DGKZ: variants seen among roughly 807,000 people sequenced by gnomAD.
DGKZ encodes DAG kinase zeta.
DGKZ carries 45 observed loss-of-function variants against 142.5 expected under a neutral mutation model. The observed-to-expected ratio is 0.32, with a 90% CI of 0.25 to 0.40. The LOEUF (loss-of-function observed/expected upper bound fraction) is 0.40, where lower values mean the gene tolerates loss of function less well. DGKZ is among the 10% of genes least tolerant of loss of function. The pLI is 1.00. For synonymous variants in DGKZ, 442 were observed against 527.0 expected (o/e 0.84, Z 2.21); for missense variants, 755 against 1,306.5 (o/e 0.58, Z 6.51).
upstream of DGKZ, among the ~76,000 whole-genome samples, chr11:46,347,186 G>A (rs1236826704): frequency 2.0e-5 from 3 of 152,170 alleles, no homozygotes; most frequent in East Asian, 5.8e-4. The surrounding 1 kb of genome is among the most constrained non-coding windows in gnomAD (Gnocchi z 6.4). Flanking sequence ...GGGATCGGGG[G>A]AGGAAAGATG....
At chr11:46,365,323 C>T in intron 1 of DGKZ, 1 of 985,448 alleles carries the variant, frequency 1.0e-6, no homozygotes, top group Non-Finnish European at 1.2e-6. Context: ...GGTTTCCCGG[C>T]ATCACCCAGC....
intron 24 of DGKZ, 177 bp from the exon 25 acceptor site, chr11:46,376,896 C>CGGAGGAGGTGTCAGGAATGG: frequency 1.5e-6 from 1 of 659,726 alleles, no homozygotes; most frequent in East Asian, 2.7e-5. Context: ...TCTGGGCAGT[C>CGGAGGAGGTGTCAGGAATGG]GGAGGAGGTG....
At chr11:46,333,718 G>C (rs905287362) in intron 1 of DGKZ, among the ~76,000 whole-genome samples, 4 of 152,150 alleles carry the variant, frequency 2.6e-5, no homozygotes, top group African/African-American at 7.2e-5. Flanking sequence ...GTGGCTGAGG[G>C]AACAGTGTAC....
chr11:46,377,025 C>A, intron 24 of DGKZ, 48 bp from the exon 25 acceptor site: 1 of 1,550,272 alleles, frequency 6.5e-7, no homozygotes, highest in Non-Finnish European at 8.9e-7. Context: ...TGCCCCTCGG[C>A]CCCCACCGTC....
intron 1 of DGKZ, among the ~76,000 whole-genome samples, chr11:46,348,964 C>A (rs1477677841): frequency 6.6e-6 from 1 of 152,218 alleles, no homozygotes; most frequent in Admixed American, 6.5e-5. Context: ...CATTCACCCC[C>A]ACCCCGCCCC....
chr11:46,379,924 G>A, exon 31 of DGKZ: 21 of 1,607,390 alleles, frequency 1.3e-5, no homozygotes, highest in Non-Finnish European at 1.7e-5. Flanking sequence ...GATCCAGCGG[G>A]AGGACCAGGA....
At chr11:46,341,062 C>T (rs145568236) in intron 1 of DGKZ, among the ~76,000 whole-genome samples, 8 of 152,140 alleles carry the variant, frequency 5.3e-5, no homozygotes, top group East Asian at 1.9e-4. Context: ...GCAGGAGAAT[C>T]GCTTGAACCT....
At chr11:46,379,524 T>G (rs1400742015) in exon 30 of DGKZ, 1 of 1,611,744 alleles carries the variant, frequency 6.2e-7, no homozygotes, top group East Asian at 2.2e-5. Context: ...CATCTGCCAC[T>G]ACATCGTGGA....
chr11:46,379,207 C>T (rs190799029), exon 29 of DGKZ: 2 of 1,613,108 alleles, frequency 1.2e-6, no homozygotes, highest in Non-Finnish European at 1.7e-6. Context: ...CTCCAGCCCC[C>T]CCAGAGATCC....
At chr11:46,333,108 AG>A in exon 1 of DGKZ, 1 of 505,598 alleles carries the variant, frequency 2.0e-6, no homozygotes, top group Non-Finnish European at 3.0e-6. Flanking sequence ...CGCAGCGCCC[AG>A]CATCTCGCTG....
chr11:46,344,233 G>C (rs571679856), upstream of DGKZ, among the ~76,000 whole-genome samples: 27 of 151,810 alleles, frequency 1.8e-4, no homozygotes, highest in African/African-American at 6.3e-4. Context: ...CATCTTGTTT[G>C]CTGACATTAT....
Position 46,333,678 on chromosome 11 carries a change from A to G in DGKZ, c.212+191A>G, listed in dbSNP as rs114388424. On this transcript the variant is annotated intron_variant, in intron 1 of 30. Coordinates refer to the DGKZ transcript ENST00000343674. ...CTTCTGAGACTCCTTCTCTGCCTGA[A>G]CCGTGAAAGCCGTATTCATCCAATA... Among the ~76,000 whole-genome samples, 712 of 152,294 alleles carry G rather than the reference A, an allele frequency of 4.7e-3. 3 individuals carry two copies. The highest frequency in any genetic ancestry group is 0.015 in the African/African-American group (607 of 41,562).
chr11:46,364,714 G>A (rs1380804488), intron 1 of DGKZ: 9 of 985,434 alleles, frequency 9.1e-6, no homozygotes, highest in African/African-American at 3.5e-5. Context: ...GGTGCTAGAC[G>A]TGCGGCCTGG....
At chr11:46,355,476 G>A (rs951110014) in intron 1 of DGKZ, among the ~76,000 whole-genome samples, 15 of 152,208 alleles carry the variant, frequency 9.9e-5, no homozygotes, top group African/African-American at 3.1e-4. Flanking sequence ...TCTCCTTCAA[G>A]CCTGCAACAC....
chr11:46,347,481 G>GGCGGCA lies in DGKZ; in HGVS notation c.-173_-168dup. On this transcript the variant is annotated 5_prime_UTR_variant, in exon 1 of 31. Coordinates refer to ENST00000527911, the Ensembl canonical transcript of DGKZ. This position sits in a 1 kb window ranked among gnomAD's most constrained non-coding sequence, Gnocchi z 6.4. ...GGCTGGCGGCACTTCCTGGAGCGGC[G>GGCGGCA]GCGGCAGCGGCTTCCCGGGCACCTG... 5.1e-6 allele frequency: 5 copies of GGCGGCA among 982,238 alleles called. No homozygotes were observed. The highest frequency in any genetic ancestry group is 6.0e-6 in the Non-Finnish European group (5 of 828,770). The allele number at this position is 982,238 out of a possible 1,614,324, so 60.8% of individuals were successfully genotyped here.
chr11:46,366,442 T>C, intron 1 of DGKZ: 4 of 1,550,764 alleles, frequency 2.6e-6, no homozygotes, highest in Non-Finnish European at 3.5e-6. Context: ...GCCTCCTGAG[T>C]TGCGGGGTGA....
At chr11:46,333,744 G>A (rs947587951) in intron 1 of DGKZ, among the ~76,000 whole-genome samples, 2 of 152,124 alleles carry the variant, frequency 1.3e-5, no homozygotes, top group Non-Finnish European at 2.9e-5. Context: ...GCTAAGGAGA[G>A]GAAAGAGCCA....
intron 1 of DGKZ, chr11:46,366,185 C>A: frequency 6.9e-7 from 1 of 1,459,318 alleles, no homozygotes; most frequent in Admixed American, 2.6e-5. Context: ...GGCTCCCGGA[C>A]ACAGGACAGA....
chr11:46,343,858 C>A (rs908308593), upstream of DGKZ, among the ~76,000 whole-genome samples: 8 of 152,180 alleles, frequency 5.3e-5, no homozygotes, highest in African/African-American at 1.9e-4. Flanking sequence ...TCAAATATCA[C>A]CTCCCCAGAG....
Sources: gnomAD v4.1 joint callset for allele counts (sites outside exome capture counted in the v4.1 genomes callset) on GRCh38, gnomAD v4.1.1 for gene constraint, Gnocchi (gnomAD v3.1) non-coding constraint, MANE v1.5 for transcripts, NCBI Gene and HGNC (gene_info 2026-07-23, HGNC 2026-07-21) for gene names.